The following APBB2 variants were observed in gnomAD, a reference collection of about 807,000 sequenced individuals.
APBB2 encodes the protein Fe65-like 1.
A neutral mutation model predicts 82.5 loss-of-function variants in APBB2; 38 were observed. The observed-to-expected ratio is 0.46, with a 90% CI of 0.36 to 0.60. The LOEUF (loss-of-function observed/expected upper bound fraction) is 0.60. Among genes scored for constraint, APBB2 ranks in the 20% least tolerant of loss-of-function variants. The pLI, the probability that APBB2 is intolerant of heterozygous loss-of-function variation, is 0.00. For synonymous variants in APBB2, 341 were observed against 368.2 expected (o/e 0.93, Z 0.85); for missense variants, 772 against 972.3 (o/e 0.79, Z 2.74).
At chr4:41,186,509 T>C (rs1261883266) in intron 1 of APBB2, among the ~76,000 whole-genome samples, 1 of 152,188 alleles carries the variant, frequency 6.6e-6, no homozygotes, top group Non-Finnish European at 1.5e-5. Context: ...AAAAATACAA[T>C]GTGTCAACCC....
intron 12 of APBB2, among the ~76,000 whole-genome samples, chr4:40,860,974 T>C (rs147333075): frequency 6.6e-6 from 1 of 152,298 alleles, no homozygotes; most frequent in Non-Finnish European, 1.5e-5. Flanking sequence ...GGCCCATCAC[T>C]TTGCTTTCGA....
chr4:41,077,515 C>T (rs1560690372), intron 3 of APBB2, among the ~76,000 whole-genome samples: 1 of 152,132 alleles, frequency 6.6e-6, no homozygotes, highest in East Asian at 1.9e-4. Flanking sequence ...AAGTCACATA[C>T]AAAGTACATA....
In APBB2 at chr4:41,008,247, T is replaced by C. The variant is rs754109227; in HGVS notation, c.835+5336A>G. On this transcript the variant is annotated intron_variant, in intron 6 of 17. Transcript: ENST00000508593. ...AGTACCACCAACAGGGTTTGGCACA[T>C]TGTAAACCCACAGAATCTCAGTGTG... Among the ~76,000 whole-genome samples the C allele has an allele frequency of 2.6e-5, 4 of 152,320 alleles. No homozygotes were observed. The East Asian group carries it at 5.8e-4, about 22-fold the overall frequency.
At chr4:41,022,582 A>C (rs1301745718) in intron 5 of APBB2, among the ~76,000 whole-genome samples, 2 of 151,976 alleles carry the variant, frequency 1.3e-5, no homozygotes, top group African/African-American at 4.8e-5. Flanking sequence ...CAATTCTCAC[A>C]CCTTCATAAA....
At chr4:41,028,374 A>G (rs1201343537) in intron 5 of APBB2, among the ~76,000 whole-genome samples, 1 of 152,238 alleles carries the variant, frequency 6.6e-6, no homozygotes, top group Admixed American at 6.5e-5. Flanking sequence ...GGCTGGTTCA[A>G]GGAAAAGCTT....
chr4:40,964,459 T>G (rs1214656478), intron 6 of APBB2, among the ~76,000 whole-genome samples: 1 of 92,026 alleles, frequency 1.1e-5, no homozygotes, highest in Non-Finnish European at 2.2e-5. Context: ...AAACAAATCA[T>G]TTTTTTCCCC....
rs528517858 is a variant in APBB2, at chr4:40,900,491, T to C, written c.1255-7080A>G. The stretch of plus-strand genomic sequence containing the variant: ...TTTTTTTTAAGATGGAGTCTCACTC[T>C]GCTGCCCAGGCTGGAGTGCAGTGGC... On this transcript the variant is annotated intron_variant, in intron 10 of 17. Coordinates refer to ENST00000508593, the MANE Select transcript of APBB2 (RefSeq NM_004307.2). 6.2e-4 allele frequency among the ~76,000 whole-genome samples: 92 copies of C among 148,848 alleles called. 1 individual carries two copies. In the Middle Eastern group the frequency reaches 0.017, roughly 28 times the overall value.
intron 13 of APBB2, among the ~76,000 whole-genome samples, chr4:40,829,299 A>G (rs1298323488): frequency 1.3e-5 from 2 of 152,198 alleles, no homozygotes; most frequent in African/African-American, 4.8e-5. Flanking sequence ...GGATCCAACC[A>G]GAGAGTGCCC....
At chr4:40,966,746 A>G (rs1395570704) in intron 6 of APBB2, among the ~76,000 whole-genome samples, 1 of 152,162 alleles carries the variant, frequency 6.6e-6, no homozygotes, top group African/African-American at 2.4e-5. Flanking sequence ...CACAGCAGAG[A>G]GGCTGAGGGG....
intron 1 of APBB2, among the ~76,000 whole-genome samples, chr4:41,180,192 T>G (rs369192735): frequency 6.6e-6 from 1 of 152,178 alleles, no homozygotes; most frequent in Non-Finnish European, 1.5e-5. Context: ...CCTGACCCCC[T>G]CCTCGCTATC....
chr4:41,086,013 T>C (rs887919326), intron 3 of APBB2, among the ~76,000 whole-genome samples: 1 of 152,148 alleles, frequency 6.6e-6, no homozygotes, highest in Non-Finnish European at 1.5e-5. Context: ...ACATTACCAC[T>C]GTTTCTACAG....
chr4:41,178,453 A>G (rs1016176883), intron 1 of APBB2, among the ~76,000 whole-genome samples: 5 of 152,126 alleles, frequency 3.3e-5, no homozygotes, highest in Non-Finnish European at 5.9e-5. Context: ...GTAATTCTCT[A>G]TTTGAGTGAC....
intron 12 of APBB2, among the ~76,000 whole-genome samples, chr4:40,873,237 C>A (rs959752168): frequency 6.6e-6 from 1 of 151,998 alleles, no homozygotes; most frequent in African/African-American, 2.4e-5. Context: ...TAGAAGTGAC[C>A]CAAGATTTGA....
At chr4:40,966,322 T>A (rs2154396107) in intron 6 of APBB2, among the ~76,000 whole-genome samples, 1 of 152,352 alleles carries the variant, frequency 6.6e-6, no homozygotes, top group East Asian at 1.9e-4. Context: ...TTCGTCTTTG[T>A]GATGGCAGCG....
chr4:40,853,028 A>G (rs1441391016), intron 12 of APBB2, among the ~76,000 whole-genome samples: 1 of 152,150 alleles, frequency 6.6e-6, no homozygotes, highest in Non-Finnish European at 1.5e-5. Context: ...TATTACTTCT[A>G]TTAGCATGTA....
intron 17 of APBB2, among the ~76,000 whole-genome samples, chr4:40,817,398 A>T (rs552746405): frequency 6.6e-6 from 1 of 152,106 alleles, no homozygotes; most frequent in South Asian, 2.1e-4. Context: ...GACGGAGTGA[A>T]CCCTGTCTCA....
At chr4:41,012,567 CTTT>C (rs1245256837) in intron 6 of APBB2, among the ~76,000 whole-genome samples, 2 of 151,676 alleles carry the variant, frequency 1.3e-5, no homozygotes, top group Non-Finnish European at 2.9e-5. Flanking sequence ...AAAAACGCTA[CTTT>C]TTTTTTCTTC....
intron 10 of APBB2, among the ~76,000 whole-genome samples, chr4:40,911,485 G>C (rs368752689): frequency 2.0e-5 from 3 of 152,186 alleles, no homozygotes; most frequent in Non-Finnish European, 4.4e-5. Flanking sequence ...TGATATAAAA[G>C]TCATATAAAA....
chr4:41,165,867 G>GC (rs765642606), intron 1 of APBB2, among the ~76,000 whole-genome samples: 6 of 140,648 alleles, frequency 4.3e-5, no homozygotes, highest in African/African-American at 1.4e-4. Flanking sequence ...AGCATGTCAG[G>GC]CCCCCTTTTT....
Sources: allele counts gnomAD v4.1 joint callset (sites outside exome capture counted in the v4.1 genomes callset), GRCh38; gene constraint gnomAD v4.1.1; transcripts MANE v1.5; gene names NCBI Gene and HGNC (gene_info 2026-07-23, HGNC 2026-07-21).